HMG20A: variants seen among roughly 807,000 people sequenced by gnomAD.
HMG20A encodes the protein high mobility group 20A, also known as high mobility group protein 20A.
In HMG20A, 17 loss-of-function variants were observed where a neutral mutation model predicts 43.9. The observed-to-expected ratio is 0.39, with a 90% CI of 0.27 to 0.58. The LOEUF (loss-of-function observed/expected upper bound fraction) is 0.58. Among genes scored for constraint, HMG20A ranks in the 20% least tolerant of loss-of-function variants. The pLI is 0.59. For missense variants in HMG20A, 341 were observed against 438.2 expected (o/e 0.78, Z 1.98); for synonymous variants, 132 against 147.5 (o/e 0.89, Z 0.76).
chr15:77,486,342 AC>A (rs2072945510), downstream of HMG20A, among the ~76,000 whole-genome samples: 1 of 150,648 alleles, frequency 6.6e-6, no homozygotes, highest in African/African-American at 2.4e-5. Context: ...CTCACTGCAA[AC>A]TCCGCCTTCC....
intron 1 of HMG20A, among the ~76,000 whole-genome samples, chr15:77,440,927 T>C (rs975487653): frequency 3.3e-5 from 5 of 152,178 alleles, no homozygotes; most frequent in Non-Finnish European, 7.4e-5. Flanking sequence ...AATGATAATA[T>C]CTACTTGATA....
chr15:77,497,163 C>T, the HMG20A span, among the ~76,000 whole-genome samples: 1 of 152,236 alleles, frequency 6.6e-6, no homozygotes, highest in Non-Finnish European at 1.5e-5. Flanking sequence ...TTCCCTCCTT[C>T]TAGCTGGCTC....
intron 8 of HMG20A, 133 bp from the exon 9 acceptor site, chr15:77,479,045 TA>T: frequency 1.2e-6 from 1 of 806,102 alleles, no homozygotes; most frequent in Non-Finnish European, 2.1e-6. Context: ...CTTTGAGATC[TA>T]AAAGTCTCTC....
intron 1 of HMG20A, among the ~76,000 whole-genome samples, chr15:77,429,413 T>A (rs938173554): frequency 6.6e-6 from 1 of 152,092 alleles, no homozygotes; most frequent in African/African-American, 2.4e-5. Flanking sequence ...ATCTCCTTTT[T>A]TTCCCCCATG....
intron 1 of HMG20A, among the ~76,000 whole-genome samples, chr15:77,438,486 C>A (rs2073574561): frequency 6.6e-6 from 1 of 152,044 alleles, no homozygotes; most frequent in African/African-American, 2.4e-5. Flanking sequence ...CCATATTTCA[C>A]AATATTAATG....
intron 1 of HMG20A, among the ~76,000 whole-genome samples, chr15:77,451,120 A>G (rs2073731887): frequency 1.3e-5 from 2 of 152,190 alleles, no homozygotes; most frequent in Admixed American, 6.5e-5. Context: ...GCAGTGAATA[A>G]TATTCTATTA....
chr15:77,512,254 G>T, the HMG20A span, among the ~76,000 whole-genome samples: 1 of 152,178 alleles, frequency 6.6e-6, no homozygotes, highest in East Asian at 1.9e-4. Flanking sequence ...GCCAGGGGGT[G>T]GGGGGAGGAG....
chr15:77,469,669 T>C (rs2072788890), intron 4 of HMG20A, among the ~76,000 whole-genome samples: 1 of 152,040 alleles, frequency 6.6e-6, no homozygotes, highest in Admixed American at 6.6e-5. Flanking sequence ...GTTTGTTTGT[T>C]TGTTTGTTTG....
intron 1 of HMG20A, among the ~76,000 whole-genome samples, chr15:77,455,800 G>A (rs541837732): frequency 1.2e-4 from 19 of 152,294 alleles, no homozygotes; most frequent in African/African-American, 4.6e-4. Flanking sequence ...TTGGCAATCA[G>A]TGGCTTGGTA....
At chr15:77,443,479 C>T (rs992553602) in intron 1 of HMG20A, among the ~76,000 whole-genome samples, 1 of 150,020 alleles carries the variant, frequency 6.7e-6, no homozygotes, top group African/African-American at 2.4e-5. Context: ...GCAACATCCA[C>T]CTCCTGGGTT....
intron 1 of HMG20A, among the ~76,000 whole-genome samples, chr15:77,438,851 C>T (rs1595914916): frequency 6.6e-6 from 1 of 152,026 alleles, no homozygotes; most frequent in Non-Finnish European, 1.5e-5. Flanking sequence ...AGTGCAGTGG[C>T]GTGATCTCGG....
chr15:77,434,019 A>G (rs2073518066), intron 1 of HMG20A, among the ~76,000 whole-genome samples: 1 of 152,242 alleles, frequency 6.6e-6, no homozygotes, highest in African/African-American at 2.4e-5. Context: ...ACAATGTGGT[A>G]ATGGCGCAAG....
intron 2 of HMG20A, among the ~76,000 whole-genome samples, chr15:77,463,235 C>T (rs1222439649): frequency 6.6e-6 from 1 of 152,132 alleles, no homozygotes; most frequent in Non-Finnish European, 1.5e-5. Context: ...TGAATACGTA[C>T]TCATCTTTTA....
chr15:77,428,460 T>G (rs2073448676), intron 1 of HMG20A, among the ~76,000 whole-genome samples: 1 of 152,180 alleles, frequency 6.6e-6, no homozygotes, highest in African/African-American at 2.4e-5. Context: ...GATAAGATAT[T>G]CAAAGCATAG....
At chr15:77,433,742 CAT>C (rs1214682793) in intron 1 of HMG20A, among the ~76,000 whole-genome samples, 1 of 152,102 alleles carries the variant, frequency 6.6e-6, no homozygotes, top group East Asian at 1.9e-4. Flanking sequence ...AACTATAAAA[CAT>C]AGAGAGAAAC....
intron 1 of HMG20A, among the ~76,000 whole-genome samples, chr15:77,431,290 C>T (rs542230109): frequency 6.6e-6 from 1 of 152,288 alleles, no homozygotes; most frequent in African/African-American, 2.4e-5. Flanking sequence ...CAGCTCACTG[C>T]AACCTTTGCC....
rs34192592 is a variant in HMG20A at position 77,438,137 on chromosome 15, A to ATTTT, written c.-5+17154_-5+17157dup. On this transcript the variant is annotated intron_variant, in intron 1 of 9. Coordinates refer to ENST00000336216, the MANE Select transcript of HMG20A (RefSeq NM_001304504.2). ...ACACCAAGCTAGGTTTTTAGTTTTA[A>ATTTT]TTTTTTTTTTTTTTTTTTTTTTTTA... is the stretch of plus-strand genomic sequence containing the variant. Among the ~76,000 whole-genome samples the ATTTT allele has an allele frequency of 3.1e-3, 349 of 113,428 alleles. 7 individuals carry two copies. The highest frequency in any genetic ancestry group is 0.011 in the African/African-American group (332 of 29,432). 74.4% of individuals were successfully genotyped at this position (113,428 alleles called of 152,430 possible). A position where few individuals can be genotyped will look rare whatever the true frequency, so the allele number is the denominator to read the frequency against.
chr15:77,463,149 C>G (rs538717329), intron 2 of HMG20A, among the ~76,000 whole-genome samples: 1 of 152,270 alleles, frequency 6.6e-6, no homozygotes, highest in South Asian at 2.1e-4. Context: ...TAATCTATTA[C>G]AGTAACCTCT....
chr15:77,436,476 A>G (rs2073549838), intron 1 of HMG20A, among the ~76,000 whole-genome samples: 1 of 151,370 alleles, frequency 6.6e-6, no homozygotes, highest in African/African-American at 2.4e-5. Context: ...CCCTCCCCCA[A>G]GATGGAGAGT....
Sources: gnomAD v4.1 joint callset for allele counts (sites outside exome capture counted in the v4.1 genomes callset) on GRCh38, gnomAD v4.1.1 for gene constraint, MANE v1.5 for transcripts, NCBI Gene and HGNC (gene_info 2026-07-23, HGNC 2026-07-21) for gene names.